DPP6: variants seen among roughly 807,000 people sequenced by gnomAD.
The protein encoded by DPP6 is dipeptidyl peptidase like 6.
DPP6 carries 69 observed loss-of-function variants against 122.6 expected under a neutral mutation model. The ratio of observed to expected loss-of-function variants is 0.56; its 90% CI spans 0.46 to 0.69. DPP6 has a LOEUF of 0.69. DPP6 is among the 30% of genes least tolerant of loss of function. The pLI is 0.00. For synonymous variants in DPP6, 418 were observed against 433.1 expected, an observed-to-expected ratio of 0.97 and a Z score of 0.43; for missense variants, 928 against 1,116.9, an observed-to-expected ratio of 0.83 and a Z score of 2.41.
the DPP6 span, among the ~76,000 whole-genome samples, chr7:153,843,230 A>G: frequency 6.6e-6 from 1 of 151,860 alleles, no homozygotes; most frequent in Non-Finnish European, 1.5e-5. Flanking sequence ...GCATACACGC[A>G]CATACACACG....
At chr7:154,815,158 A>G (rs2150484057) in intron 16 of DPP6, among the ~76,000 whole-genome samples, 1 of 152,348 alleles carries the variant, frequency 6.6e-6, no homozygotes, top group South Asian at 2.1e-4. Context: ...AGACTGTGCC[A>G]GAGACAGTTC....
intron 10 of DPP6, chr7:154,793,578 A>C (rs78807059): frequency 0.03 from 4,584 of 152,570 alleles, 225 homozygotes; most frequent in African/African-American, 0.098. Context: ...AAGGAGGAGG[A>C]ATTAGAGAAT....
chr7:154,340,337 A>T (rs1340284801), intron 1 of DPP6, among the ~76,000 whole-genome samples: 1 of 152,364 alleles, frequency 6.6e-6, no homozygotes, highest in Non-Finnish European at 1.5e-5. Flanking sequence ...ACAATGAAAT[A>T]AATCCAAAAT....
intron 1 of DPP6, among the ~76,000 whole-genome samples, chr7:154,328,174 C>T (rs983005396): frequency 5.3e-5 from 8 of 152,130 alleles, no homozygotes; most frequent in Admixed American, 5.2e-4. Flanking sequence ...GGTTGCTTGG[C>T]CCACACCCTG....
At chr7:154,834,346 C>T (rs886082510) in intron 16 of DPP6, among the ~76,000 whole-genome samples, 12 of 149,434 alleles carry the variant, frequency 8.0e-5, no homozygotes, top group Non-Finnish European at 1.2e-4. Flanking sequence ...TGTGGTGGTG[C>T]GTGCCTGTAA....
the DPP6 span, among the ~76,000 whole-genome samples, chr7:153,864,715 A>G: frequency 1.6e-5 from 2 of 124,676 alleles, no homozygotes; most frequent in Non-Finnish European, 3.5e-5. Flanking sequence ...ACACACACAC[A>G]CACACACGTG....
At chr7:153,861,738 G>A in the DPP6 span, among the ~76,000 whole-genome samples, 1 of 152,176 alleles carries the variant, frequency 6.6e-6, no homozygotes, top group African/African-American at 2.4e-5. Flanking sequence ...ATAAAGAGAT[G>A]TTTACTCATT....
chr7:154,141,084 T>C (rs1349537055), intron 1 of DPP6, among the ~76,000 whole-genome samples: 1 of 152,194 alleles, frequency 6.6e-6, no homozygotes, highest in Non-Finnish European at 1.5e-5. Context: ...GAAGGCATCA[T>C]GTATGGACAT....
chr7:154,503,016 G>A (rs1238703001), intron 3 of DPP6, among the ~76,000 whole-genome samples: 3 of 152,154 alleles, frequency 2.0e-5, no homozygotes, highest in Non-Finnish European at 4.4e-5. Context: ...GTCAACAGCA[G>A]AATAACGGCT....
chr7:153,778,168 T>G, the DPP6 span, among the ~76,000 whole-genome samples: 1 of 150,220 alleles, frequency 6.7e-6, no homozygotes, highest in Non-Finnish European at 1.5e-5. Flanking sequence ...TTGAATACAT[T>G]AGTAAATGCA....
intron 1 of DPP6, among the ~76,000 whole-genome samples, chr7:154,123,129 A>G (rs878897119): frequency 1.3e-5 from 2 of 152,178 alleles, no homozygotes; most frequent in South Asian, 2.1e-4. Flanking sequence ...GAAACAAACC[A>G]TAATAAAGAA....
At position 154,171,018 on chromosome 7, in the gene DPP6, C is replaced by T. The variant is rs149169079; in HGVS notation, c.243+117955C>T. ...CACACTGCCTTCTCTTCCTGCTGCT[C>T]GCTGGTGCATGCTTAGAAAACCCAG... is the stretch of plus-strand genomic sequence containing the variant. On this transcript the variant is annotated intron_variant, in intron 1 of 25. Transcript: ENST00000377770. Among the ~76,000 whole-genome samples the T allele has an allele frequency of 4.2e-3, 634 of 152,256 alleles. 2 individuals carry two copies. The highest frequency in any genetic ancestry group is 0.014 in the African/African-American group (599 of 41,566).
At chr7:153,914,638 GA>G (rs1441970262) in intron 1 of DPP6, among the ~76,000 whole-genome samples, 1 of 152,190 alleles carries the variant, frequency 6.6e-6, no homozygotes, top group Non-Finnish European at 1.5e-5. Context: ...ACTGCATTTG[GA>G]AAGGAAACTT....
Position 154,282,321 on chromosome 7 carries a change from G to A in DPP6, c.244-163893G>A, listed in dbSNP as rs945372446. Among the ~76,000 whole-genome samples the A allele has an allele frequency of 2.0e-5, 3 of 152,258 alleles. No individual in the cohort carries two copies. The highest frequency in any genetic ancestry group is 6.8e-3 in the Middle Eastern group (2 of 294). The stretch of plus-strand genomic sequence containing the variant: ...CATGCAGGGACATGCTTCTCAGGTG[G>A]CCTCTGGATACACGTGTCCTTTGTG... On this transcript the variant is annotated intron_variant, in intron 1 of 25. Coordinates refer to ENST00000377770, the MANE Select transcript of DPP6 (RefSeq NM_130797.4). This position sits in a 1 kb window ranked among gnomAD's most constrained non-coding sequence, Gnocchi z 4.8.
chr7:154,885,564 T>G, intron 21 of DPP6, 69 bp from the exon 22 acceptor site: 3 of 1,529,650 alleles, frequency 2.0e-6, no homozygotes, highest in Non-Finnish European at 2.6e-6. Context: ...GCTGTCTCCC[T>G]GCCCGAGGCT....
intron 1 of DPP6, among the ~76,000 whole-genome samples, chr7:154,369,963 T>G (rs935998699): frequency 2.2e-5 from 3 of 137,194 alleles, no homozygotes; most frequent in African/African-American, 8.3e-5. Context: ...AGCAGATATA[T>G]GCATTTATTT....
intron 1 of DPP6, among the ~76,000 whole-genome samples, chr7:153,990,614 GC>G (rs2129042072): frequency 6.6e-6 from 1 of 152,096 alleles, no homozygotes; most frequent in South Asian, 2.1e-4. Flanking sequence ...CTGCCCTGGA[GC>G]CCCCTGTCCA....
At chr7:154,785,253 C>A (rs958673299) in intron 10 of DPP6, among the ~76,000 whole-genome samples, 5 of 152,184 alleles carry the variant, frequency 3.3e-5, no homozygotes, top group Non-Finnish European at 7.3e-5. Flanking sequence ...TCTCTTCCCT[C>A]TCCTTCTAAC....
chr7:154,049,477 A>T (rs1433720130), upstream of DPP6, among the ~76,000 whole-genome samples: 1 of 119,954 alleles, frequency 8.3e-6, no homozygotes, highest in African/African-American at 3.1e-5. Flanking sequence ...ATGTGGGACC[A>T]CAGTGTCCTC....
Sources: gnomAD v4.1 joint callset for allele counts (sites outside exome capture counted in the v4.1 genomes callset) on GRCh38, gnomAD v4.1.1 for gene constraint, Gnocchi (gnomAD v3.1) non-coding constraint, MANE v1.5 for transcripts, NCBI Gene and HGNC (gene_info 2026-07-23, HGNC 2026-07-21) for gene names.